KCNIP1: variants seen among roughly 807,000 people sequenced by gnomAD.
The protein encoded by KCNIP1 is A-type potassium channel modulatory protein KCNIP1.
Under a neutral mutation model 33.0 loss-of-function variants are expected in KCNIP1, and 18 were observed. That is an observed-to-expected ratio of 0.55 (90% CI 0.38 to 0.81). The LOEUF (loss-of-function observed/expected upper bound fraction) is 0.81, where lower values mean the gene tolerates loss of function less well. Ranked by LOEUF, KCNIP1 falls within the 30% of genes least tolerant of loss-of-function variation. The probability of loss-of-function intolerance (pLI) is 0.00; values close to 1 mark genes in which losing one functional copy is unlikely to be tolerated. For missense variants in KCNIP1, 238 were observed against 271.6 expected (o/e 0.88, Z 0.87); for synonymous variants, 93 against 98.3 (o/e 0.95, Z 0.32).
intron 1 of KCNIP1, among the ~76,000 whole-genome samples, chr5:170,439,061 G>A (rs1755929459): frequency 6.6e-6 from 1 of 152,276 alleles, no homozygotes; most frequent in South Asian, 2.1e-4. Flanking sequence ...GTGGTAGGGT[G>A]GAGGGCTACA....
intron 1 of KCNIP1, among the ~76,000 whole-genome samples, chr5:170,388,024 C>CCCA (rs3838243): frequency 0.12 from 17,768 of 152,206 alleles, 1,176 homozygotes; most frequent in East Asian, 0.21. Flanking sequence ...ATCAGCCCCC[C>CCCA]CCAGCGCCCA....
rs138607870 is a variant in KCNIP1, at chr5:170,627,907, G to A, written c.62-90851G>A. ...CCAAAGAAACGTATCAGCAGCATGA[G>A]AATATCGGGTGACCTCTCTCTCTAG... On this transcript the variant is annotated intron_variant, in intron 1 of 7. Coordinates refer to ENST00000328939, the MANE Select transcript of KCNIP1 (RefSeq NM_014592.4). Among the ~76,000 whole-genome samples the A allele has an allele frequency of 7.9e-5, 12 of 152,316 alleles. No homozygotes were observed. In the East Asian group the frequency reaches 2.1e-3, roughly 27 times the overall value.
chr5:170,673,351 G>A (rs1320110207), intron 1 of KCNIP1, among the ~76,000 whole-genome samples: 5 of 152,196 alleles, frequency 3.3e-5, no homozygotes, highest in African/African-American at 4.8e-5. Context: ...CTCTATTCCC[G>A]ATCTGTTAAG....
At chr5:170,516,631 A>G (rs1404045591) in intron 1 of KCNIP1, among the ~76,000 whole-genome samples, 1 of 152,250 alleles carries the variant, frequency 6.6e-6, no homozygotes, top group Non-Finnish European at 1.5e-5. Flanking sequence ...GTGAAAACAT[A>G]GCACATTGGA....
intron 1 of KCNIP1, among the ~76,000 whole-genome samples, chr5:170,423,511 A>G (rs899144144): frequency 8.5e-5 from 13 of 152,186 alleles, no homozygotes; most frequent in African/African-American, 2.7e-4. Flanking sequence ...CAAATAAGTC[A>G]TATTGTCTTT....
At chr5:170,395,588 C>T (rs889616034) in intron 1 of KCNIP1, among the ~76,000 whole-genome samples, 2 of 152,162 alleles carry the variant, frequency 1.3e-5, no homozygotes, top group Non-Finnish European at 2.9e-5. Flanking sequence ...CATGAATGGA[C>T]AGGTATAAGG....
intron 1 of KCNIP1, among the ~76,000 whole-genome samples, chr5:170,644,343 G>C (rs1291441958): frequency 1.3e-5 from 2 of 152,240 alleles, no homozygotes; most frequent in African/African-American, 4.8e-5. Flanking sequence ...GGAGACTCTT[G>C]AGCAGAGATT....
At chr5:170,435,960 C>T (rs1387093031) in intron 1 of KCNIP1, among the ~76,000 whole-genome samples, 2 of 152,156 alleles carry the variant, frequency 1.3e-5, no homozygotes, top group Non-Finnish European at 2.9e-5. Flanking sequence ...ACTGCCCCCT[C>T]GATCTCAATC....
chr5:170,516,243 T>G (rs942207979), intron 1 of KCNIP1, among the ~76,000 whole-genome samples: 2 of 152,182 alleles, frequency 1.3e-5, no homozygotes, highest in Non-Finnish European at 2.9e-5. Context: ...CCGTGATCAC[T>G]GCAGCTTACA....
intron 1 of KCNIP1, among the ~76,000 whole-genome samples, chr5:170,474,002 G>A (rs995104086): frequency 1.3e-5 from 2 of 152,200 alleles, no homozygotes; most frequent in African/African-American, 4.8e-5. Context: ...AAATATGACT[G>A]TAGGCGACCA....
rs551817678 is a variant in KCNIP1, at chr5:170,529,894, C to G, written c.61+25261C>G. Among the ~76,000 whole-genome samples the G allele has an allele frequency of 2.6e-5, 4 of 152,264 alleles. No homozygotes were observed. The South Asian group carries it at 8.3e-4, about 32-fold the overall frequency. On this transcript the variant is annotated intron_variant, in intron 1 of 7. Transcript: ENST00000328939. ...TCCCCGAGAATGTCTCCCCACTTCA[C>G]CCTTCCAGGCCTTTCTTCTTGTTGG...
At chr5:170,432,091 A>T (rs1755757158) in intron 1 of KCNIP1, among the ~76,000 whole-genome samples, 1 of 152,002 alleles carries the variant, frequency 6.6e-6, no homozygotes, top group South Asian at 2.1e-4. Context: ...TTCATATAAA[A>T]AAGCAAGTTG....
intron 1 of KCNIP1, among the ~76,000 whole-genome samples, chr5:170,576,214 G>A (rs1757600060): frequency 6.6e-6 from 1 of 152,194 alleles, no homozygotes; most frequent in South Asian, 2.1e-4. Flanking sequence ...GCATAAGCAT[G>A]GCTCATCTCT....
chr5:170,643,481 T>C (rs1760658628), intron 1 of KCNIP1, among the ~76,000 whole-genome samples: 1 of 152,246 alleles, frequency 6.6e-6, no homozygotes, highest in Non-Finnish European at 1.5e-5. Flanking sequence ...CTCACAGGGC[T>C]CTGCTGCTGG....
At chr5:170,605,823 G>A (rs1043457818) in intron 1 of KCNIP1, among the ~76,000 whole-genome samples, 2 of 133,222 alleles carry the variant, frequency 1.5e-5, no homozygotes. Context: ...TGCTCAGGCT[G>A]AAGTGCAGTG....
chr5:170,641,346 G>A (rs1460070692), intron 1 of KCNIP1, among the ~76,000 whole-genome samples: 1 of 152,196 alleles, frequency 6.6e-6, no homozygotes, highest in Non-Finnish European at 1.5e-5. Flanking sequence ...GCTGGGGGAA[G>A]CCTTTTCAGA....
chr5:170,555,450 A>G (rs953312897), intron 1 of KCNIP1, among the ~76,000 whole-genome samples: 2 of 152,166 alleles, frequency 1.3e-5, no homozygotes, highest in East Asian at 3.9e-4. Context: ...TTATCATTCC[A>G]TATTACCAAT....
At chr5:170,503,724 TCACACACACACACACA>T (rs70979180), upstream of KCNIP1, among the ~76,000 whole-genome samples, 73 of 136,546 alleles carry the variant, frequency 5.3e-4, no homozygotes, top group South Asian at 2.7e-3. Context: ...CGCACGCACA[TCACACACACACACACA>T]CACACACACA....
intron 1 of KCNIP1, among the ~76,000 whole-genome samples, chr5:170,447,748 G>A (rs1756154418): frequency 6.6e-6 from 1 of 151,854 alleles, no homozygotes; most frequent in African/African-American, 2.4e-5. Context: ...GCCAACGAAT[G>A]TCACTTAATC....
Sources: allele counts gnomAD v4.1 joint callset (sites outside exome capture counted in the v4.1 genomes callset), GRCh38; gene constraint gnomAD v4.1.1; transcripts MANE v1.5; gene names NCBI Gene and HGNC (gene_info 2026-07-23, HGNC 2026-07-21).